Variants in LETM1 observed in about 807,000 individuals in gnomAD.
LETM1 encodes the protein leucine zipper and EF-hand containing transmembrane protein 1.
In LETM1, 50 loss-of-function variants were observed where a neutral mutation model predicts 74.5. The ratio of observed to expected loss-of-function variants is 0.67; its 90% CI spans 0.53 to 0.85. The LOEUF (loss-of-function observed/expected upper bound fraction) is 0.85. Among genes scored for constraint, LETM1 ranks in the 40% least tolerant of loss-of-function variants. The pLI, the probability that LETM1 is intolerant of heterozygous loss-of-function variation, is 0.00. For synonymous variants in LETM1, 446 were observed against 407.1 expected, an observed-to-expected ratio of 1.10 and a Z score of -1.15; for missense variants, 824 against 967.8, an observed-to-expected ratio of 0.85 and a Z score of 1.97.
At chr4:1,825,822 G>C in intron 6 of LETM1, 139 bp from the exon 7 acceptor site, 4 of 982,820 alleles carry the variant, frequency 4.1e-6, no homozygotes, top group Non-Finnish European at 4.5e-6. Flanking sequence ...CCCAGTTCTA[G>C]GTTAGAAGTG....
chr4:1,831,694 C>T (rs546092305), intron 6 of LETM1, among the ~76,000 whole-genome samples: 2 of 152,364 alleles, frequency 1.3e-5, no homozygotes, highest in Admixed American at 6.5e-5. Flanking sequence ...GGGATACAGG[C>T]TCCCCACATG....
chr4:1,834,332 G>A lies in LETM1; in HGVS notation c.876+513C>T, dbSNP rs1200151514. The A allele has an allele frequency of 2.2e-5, 21 of 951,932 alleles. No individual in the cohort carries two copies. Among genetic ancestry groups the A allele is most frequent in the Admixed American group, 6.1e-5 (1 of 16,386 alleles). The allele number at this position is 951,932 out of a possible 1,614,324, so 59.0% of individuals were successfully genotyped here. A position where few individuals can be genotyped will look rare whatever the true frequency, so the allele number is the denominator to read the frequency against. On this transcript the variant is annotated intron_variant, in intron 5 of 13. Coordinates refer to ENST00000302787, the MANE Select transcript of LETM1 (RefSeq NM_012318.3). The surrounding 1 kb of genome is among the most constrained non-coding windows in gnomAD (Gnocchi z 5.0). Reference sequence around the variant, plus strand: ...ACCCCATCTAGTCCTCAGGGATCTCGGTCCGTGGCAGCTGCCGTCTCCCCA... The same window carrying A: ...ACCCCATCTAGTCCTCAGGGATCTCAGTCCGTGGCAGCTGCCGTCTCCCCA...
At position 1,841,334 on chromosome 4, in the gene LETM1, A is replaced by G. The variant is rs73081735; in HGVS notation, c.594+13T>C. Reference sequence around the variant, plus strand: ...CAAGAAAGAAAAGAAAGGACTAGACATGTCCCCATTACCTGCCTGCGCTCC... The same window carrying G: ...CAAGAAAGAAAAGAAAGGACTAGACGTGTCCCCATTACCTGCCTGCGCTCC... On this transcript the variant is annotated intron_variant, in intron 3 of 13. Transcript: ENST00000302787. 9.1e-3 allele frequency: 14,676 copies of G among 1,609,046 alleles called. 1,178 individuals carry two copies. In the African/African-American group the frequency reaches 0.17, roughly 19 times the overall value.
intron 12 of LETM1, 98 bp downstream of exon 12, chr4:1,816,629 C>T: frequency 1.7e-6 from 2 of 1,193,202 alleles, no homozygotes; most frequent in Middle Eastern, 2.0e-4. Context: ...CTACAATGTG[C>T]CCTTTGGAGC....
intron 3 of LETM1, chr4:1,839,301 G>C (rs1041909214): frequency 6.6e-6 from 1 of 152,202 alleles, no homozygotes; most frequent in East Asian, 1.9e-4. Context: ...AACTCACCCA[G>C]AGGGACACGC....
chr4:1,839,624 G>A (rs1434108152), intron 3 of LETM1, among the ~76,000 whole-genome samples: 4 of 152,242 alleles, frequency 2.6e-5, no homozygotes, highest in Non-Finnish European at 5.9e-5. Context: ...TTGTGATAAT[G>A]TTAGGTGTGT....
At chr4:1,848,715 CAAAA>C (rs927486416) in intron 2 of LETM1, among the ~76,000 whole-genome samples, 1 of 43,898 alleles carries the variant, frequency 2.3e-5, no homozygotes, top group Non-Finnish European at 4.2e-5. Context: ...GGCTCTGTCT[CAAAA>C]AAAAAAAAAA....
At chr4:1,827,917 G>A (rs1179861980) in intron 6 of LETM1, among the ~76,000 whole-genome samples, 1 of 149,204 alleles carries the variant, frequency 6.7e-6, no homozygotes, top group Non-Finnish European at 1.5e-5. Flanking sequence ...GCTGGGCGGG[G>A]GGCTGACCCC....
rs539882184 is a variant in LETM1 at position 1,819,273 on chromosome 4, T to C, written c.1743+65A>G. The C allele has an allele frequency of 4.3e-5, 64 of 1,498,796 alleles. No individual in the cohort carries two copies. In the African/African-American group the frequency reaches 8.4e-4, roughly 20 times the overall value. 92.8% of individuals were successfully genotyped at this position (1,498,796 alleles called of 1,614,324 possible). The stretch of plus-strand genomic sequence containing the variant: ...CTGACGGAAGTATTATGTATACTTT[T>C]GGGGCCAGTACAGCGATTTTACTCT... On this transcript the variant is annotated intron_variant, in intron 11 of 13. Coordinates refer to ENST00000302787, the MANE Select transcript of LETM1 (RefSeq NM_012318.3).
intron 1 of LETM1, among the ~76,000 whole-genome samples, chr4:1,850,567 C>T (rs540594320): frequency 7.0e-4 from 101 of 144,542 alleles, no homozygotes; most frequent in Non-Finnish European, 1.3e-3. Context: ...GACGTGAACC[C>T]GGGAGGCGGA....
In LETM1 at chr4:1,813,476, G is replaced by A. The variant is rs1432664938; in HGVS notation, c.*948C>T. The A allele has an allele frequency of 3.3e-5, 5 of 152,474 alleles. No individual in the cohort carries two copies. The highest frequency in any genetic ancestry group is 9.6e-5 in the African/African-American group (4 of 41,586). 9.4% of individuals were successfully genotyped at this position (152,474 alleles called of 1,614,324 possible). On this transcript the variant is annotated 3_prime_UTR_variant, in exon 14 of 14. Transcript: ENST00000302787. ...AGGGCACAGGGCAAACCCTAAGCAC[G>A]GGGGTATTGCCCTTGAAGCCCCAGG...
rs28681468 is a variant in LETM1, at chr4:1,822,293, C to A, written c.1496G>T (p.Arg499Leu). Residue 499 changes from arginine (R) to leucine (L), a missense_variant, in exon 10 of 14, where the codon CGT (arginine) becomes CTT (leucine). Around this residue, in one of 4 missense-constraint regions of LETM1, gnomAD observed 172 missense variants for 170.7 expected, o/e 1.01. Coordinates refer to ENST00000302787, the MANE Select transcript of LETM1 (RefSeq NM_012318.3). ...SEVAKDFEPE[R>L]VVAAPQRPGT... ...CGGCCTTTGGGGAGCAGCTACCACA[C>A]GTTCGGGCTCAAAATCCTTCTGAAA... 5.9e-6 allele frequency: 9 copies of A among 1,518,938 alleles called. No individual in the cohort carries two copies. Among genetic ancestry groups the A allele is most frequent in the Admixed American group, 4.0e-5 (2 of 49,708 alleles). 94.1% of individuals were successfully genotyped at this position (1,518,938 alleles called of 1,614,324 possible).
chr4:1,814,234 T>A lies in LETM1; in HGVS notation c.*190A>T. The A allele has an allele frequency of 2.2e-6, 2 of 912,298 alleles. No individual in the cohort carries two copies. Among genetic ancestry groups the A allele is most frequent in the Non-Finnish European group, 1.6e-6 (1 of 606,128 alleles). 56.5% of individuals were successfully genotyped at this position (912,298 alleles called of 1,614,324 possible). A position where few individuals can be genotyped will look rare whatever the true frequency, so the allele number is the denominator to read the frequency against. ...ATCCAGACACGATTCTGTGGAGGGGTTCCGGGATTCCAGACAGACTGAATC... is the reference window on the plus strand; with the variant it reads ...ATCCAGACACGATTCTGTGGAGGGGATCCGGGATTCCAGACAGACTGAATC... On this transcript the variant is annotated 3_prime_UTR_variant, in exon 14 of 14. Transcript: ENST00000302787.
At chr4:1,848,275 G>A (rs1365209158) in intron 2 of LETM1, among the ~76,000 whole-genome samples, 5 of 152,094 alleles carry the variant, frequency 3.3e-5, no homozygotes, top group East Asian at 1.9e-4. Context: ...GCGGCCGGAC[G>A]CGGTGGCTCA....
At chr4:1,825,456 G>A (rs1560483923) in intron 7 of LETM1, 108 bp downstream of exon 7, 9 of 1,386,350 alleles carry the variant, frequency 6.5e-6, no homozygotes, top group East Asian at 2.3e-5. Flanking sequence ...TCACAGTGTC[G>A]CCTCGCCAGG....
At chr4:1,833,261 GA>G (rs1251900553) in intron 5 of LETM1, 1 of 352,030 alleles carries the variant, frequency 2.8e-6, no homozygotes, top group Non-Finnish European at 5.4e-6. Flanking sequence ...GTAGAGATGG[GA>G]TTTCACTATG....
chr4:1,829,389 C>CA (rs1553851938), intron 6 of LETM1, among the ~76,000 whole-genome samples: 1 of 149,428 alleles, frequency 6.7e-6, no homozygotes, highest in Admixed American at 6.6e-5. Context: ...GCTGGCCGGG[C>CA]GGGGGGCTGA....
chr4:1,832,118 T>C (rs1203030497), intron 6 of LETM1, among the ~76,000 whole-genome samples: 1 of 151,966 alleles, frequency 6.6e-6, no homozygotes, highest in East Asian at 1.9e-4. Context: ...CTGGCCAATG[T>C]GATGAAGCCC....
At chr4:1,821,498 G>A (rs1405692539) in intron 10 of LETM1, among the ~76,000 whole-genome samples, 1 of 151,712 alleles carries the variant, frequency 6.6e-6, no homozygotes, top group Non-Finnish European at 1.5e-5. Flanking sequence ...AGACCAGCCT[G>A]GCTAACATGG....
Sources: gnomAD v4.1 joint callset for allele counts (sites outside exome capture counted in the v4.1 genomes callset) on GRCh38, gnomAD v4.1.1 for gene constraint, gnomAD v4.1.1 regional missense constraint, Gnocchi (gnomAD v3.1) non-coding constraint, MANE v1.5 for transcripts, NCBI Gene and HGNC (gene_info 2026-07-23, HGNC 2026-07-21) for gene names.